The following LMNA variants were observed in gnomAD, a reference collection of about 807,000 sequenced individuals.
LMNA encodes lamin.
A neutral mutation model predicts 70.4 loss-of-function variants in LMNA; 20 were observed. That is an observed-to-expected ratio of 0.28 (90% CI 0.20 to 0.41). The LOEUF is 0.41. Among genes scored for constraint, LMNA ranks in the 10% least tolerant of loss-of-function variants. LMNA has a pLI of 1.00. For missense variants in LMNA, 652 were observed against 917.2 expected (o/e 0.71, Z 3.73); for synonymous variants, 339 against 372.8 (o/e 0.91, Z 1.04).
rs1057515421 is a variant in LMNA at position 156,136,284 on chromosome 1, C to G, written c.1228C>G (p.Gln410Glu). ...TGCTTCCTCTCACTCATCCCAGACA[C>G]AGGGTGGGGGCAGCGTCACCAAAAA... ...GRASSHSSQT[Q>E]GGGSVTKKRK... is the part of the protein sequence containing the mutation. The change falls in exon 7 of 12, where the codon CAG becomes GAG. Residue 410 changes from glutamine (Q) to glutamate (E), a missense_variant. By Grantham distance (29) the Gln-to-Glu change is conservative. This residue lies in a region of LMNA where 327 missense variants were observed against 387.6 expected (regional missense o/e 0.84). Transcript: ENST00000368300. The surrounding 1 kb of genome is among the most constrained non-coding windows in gnomAD (Gnocchi z 6.1). The G allele has an allele frequency of 3.7e-6, 6 of 1,612,142 alleles. No individual in the cohort carries two copies. Among genetic ancestry groups the G allele is most frequent in the Non-Finnish European group, 5.1e-6 (6 of 1,180,032 alleles).
At chr1:156,083,574 G>T (rs908183344) in intron 2 of LMNA, 29 of 152,308 alleles carry the variant, frequency 1.9e-4, no homozygotes, top group African/African-American at 6.5e-4. Context: ...AGGCAGAGGC[G>T]GGTGGATCAC....
At chr1:156,110,787 C>A (rs1172953626), upstream of LMNA, among the ~76,000 whole-genome samples, 3 of 151,438 alleles carry the variant, frequency 2.0e-5, no homozygotes, top group Non-Finnish European at 4.4e-5. Context: ...ACCAGCCTGG[C>A]CAACATGGGG....
intron 1 of LMNA, among the ~76,000 whole-genome samples, chr1:156,120,098 G>C (rs1650089451): frequency 1.3e-5 from 2 of 152,158 alleles, no homozygotes. Flanking sequence ...CTCCAAAAAG[G>C]CCCTGGTGCT....
chr1:156,119,997 G>T (rs938008578), intron 1 of LMNA, among the ~76,000 whole-genome samples: 3 of 152,218 alleles, frequency 2.0e-5, no homozygotes, highest in African/African-American at 7.2e-5. Context: ...GATAGTGCCA[G>T]GGTCTGTGCC....
At chr1:156,124,349 C>T (rs755197261) in intron 1 of LMNA, among the ~76,000 whole-genome samples, 4 of 151,994 alleles carry the variant, frequency 2.6e-5, no homozygotes, top group Non-Finnish European at 4.4e-5. Flanking sequence ...AATGCAGTGG[C>T]GCGATCTTGG....
chr1:156,087,938 C>T (rs1294053067), intron 2 of LMNA, among the ~76,000 whole-genome samples: 1 of 151,400 alleles, frequency 6.6e-6, no homozygotes, highest in Admixed American at 6.6e-5. Context: ...GTGGCACCAT[C>T]TCAGCTCACT....
intron 2 of LMNA, among the ~76,000 whole-genome samples, chr1:156,131,172 G>A (rs2102867936): frequency 6.6e-6 from 1 of 152,326 alleles, no homozygotes; most frequent in African/African-American, 2.4e-5. Context: ...TCGGGAGGCT[G>A]AGGCAGGAGA....
At chr1:156,114,068 A>AC (rs28365858), upstream of LMNA, among the ~76,000 whole-genome samples, 9,377 of 151,700 alleles carry the variant, frequency 0.062, 540 homozygotes, top group African/African-American at 0.15. Flanking sequence ...AAAAAAAGGG[A>AC]CCCCCCAAAC....
In LMNA at chr1:156,114,881, A is replaced by T; in HGVS notation, c.-38A>T. ...ACCCGAGCCCCGCGCCCTTTCCGGG[A>T]CCCCTGCCCCGCGGGCAGCGCTGCC... is the stretch of plus-strand genomic sequence containing the variant. On this transcript the variant is annotated 5_prime_UTR_variant, in exon 1 of 12. Coordinates refer to ENST00000368300, the MANE Select transcript of LMNA (RefSeq NM_170707.4). 7.0e-7 allele frequency: 1 copy of T among 1,421,906 alleles called. No individual in the cohort carries two copies. The highest frequency in any genetic ancestry group is 9.4e-7 in the Non-Finnish European group (1 of 1,061,024). The allele number at this position is 1,421,906 out of a possible 1,614,324, so 88.1% of individuals were successfully genotyped here.
Position 156,116,328 on chromosome 1 carries a change from A to G in LMNA, c.356+1054A>G, listed in dbSNP as rs555466125. Among the ~76,000 whole-genome samples the G allele has an allele frequency of 8.1e-5, 12 of 148,380 alleles. No homozygotes were observed. The East Asian group carries it at 2.4e-3, about 30-fold the overall frequency. ...GATTCAGGCCACTCCCACTTTACCC[A>G]CCCCTGCCCCACCCTACCCCACCCT... is the stretch of plus-strand genomic sequence containing the variant. On this transcript the variant is annotated intron_variant, in intron 1 of 11. Coordinates refer to ENST00000368300, the MANE Select transcript of LMNA (RefSeq NM_170707.4).
chr1:156,127,683 TA>T lies in LMNA; in HGVS notation c.357-2931del, dbSNP rs1420558672. Among the ~76,000 whole-genome samples, 36 of 131,192 alleles carry T rather than the reference TA, an allele frequency of 2.7e-4. No individual in the cohort carries two copies. The Middle Eastern group carries it at 0.021, about 76-fold the overall frequency. 86.1% of individuals were successfully genotyped at this position (131,192 alleles called of 152,430 possible). A position where few individuals can be genotyped will look rare whatever the true frequency, so the allele number is the denominator to read the frequency against. ...ACAGGTGCACACCACCGTACCCAGC[TA>T]AATTTTTTTTTTTTTTTTTTGAGAT... is the stretch of plus-strand genomic sequence containing the variant. On this transcript the variant is annotated intron_variant, in intron 1 of 11. Transcript: ENST00000368300.
chr1:156,120,678 A>C (rs1481249406), intron 1 of LMNA, among the ~76,000 whole-genome samples: 1 of 152,080 alleles, frequency 6.6e-6, no homozygotes, highest in African/African-American at 2.4e-5. Flanking sequence ...GCACTACTGC[A>C]CTCTAGCCTG....
chr1:156,104,338 T>G (rs1243980880), intron 3 of LMNA, among the ~76,000 whole-genome samples: 2 of 152,176 alleles, frequency 1.3e-5, no homozygotes, highest in Non-Finnish European at 2.9e-5. Context: ...GCTTAGCAAC[T>G]GTTGTCGTCT....
At position 156,138,344 on chromosome 1, in the gene LMNA, C is replaced by A. The variant is rs1651844633; in HGVS notation, c.1699-144C>A. 2.3e-6 allele frequency: 2 copies of A among 874,716 alleles called. No homozygotes were observed. The highest frequency in any genetic ancestry group is 3.5e-6 in the Non-Finnish European group (2 of 576,188). 54.2% of individuals were successfully genotyped at this position (874,716 alleles called of 1,614,324 possible). On this transcript the variant is annotated intron_variant, in intron 10 of 11. Transcript: ENST00000368300. The surrounding 1 kb of genome is among the most constrained non-coding windows in gnomAD (Gnocchi z 5.5). ...TCCTCCGGGCCCCTAGCCTCCCAAA[C>A]CCCCATTGCCCGCTGGCTCCTTGGG...
In LMNA at chr1:156,104,482, G is replaced by A. The variant is rs187785452; in HGVS notation, c.-206-10231G>A. Among the ~76,000 whole-genome samples the A allele has an allele frequency of 5.9e-5, 9 of 151,920 alleles. No individual in the cohort carries two copies. The East Asian group carries it at 1.7e-3, about 29-fold the overall frequency. ...GAGCCCCCTGGACTGGATTCTAAAT[G>A]TGGTCCTCACCCCCTCCCTCATGGT... On this transcript the variant is annotated intron_variant, in intron 3 of 12. Transcript: ENST00000368301.
At chr1:156,116,996 C>T (rs1649870225) in intron 1 of LMNA, among the ~76,000 whole-genome samples, 1 of 151,954 alleles carries the variant, frequency 6.6e-6, no homozygotes, top group Non-Finnish European at 1.5e-5. Flanking sequence ...TCACCACAAC[C>T]TCTGCCTCCC....
In LMNA at chr1:156,098,987, C is replaced by T. The variant is rs1373549883; in HGVS notation, c.-207+8405C>T. Among the ~76,000 whole-genome samples, 7 of 152,130 alleles carry T rather than the reference C, an allele frequency of 4.6e-5. No homozygotes were observed. The East Asian group carries it at 9.6e-4, about 21-fold the overall frequency. On this transcript the variant is annotated intron_variant, in intron 3 of 12. Coordinates refer to the LMNA transcript ENST00000368301. ...CACTAATTAGCTCTGGCTTTCTAAT[C>T]GGGCTTAATTGCCTCCTCATGATGG...
intron 1 of LMNA, among the ~76,000 whole-genome samples, chr1:156,118,935 C>T (rs549351463): frequency 1.3e-5 from 2 of 152,170 alleles, no homozygotes; most frequent in East Asian, 1.9e-4. Context: ...AAACCCCTTT[C>T]GCCAATACTC....
Position 156,135,344 on chromosome 1 carries a change from G to T in LMNA, c.936+32G>T, listed in dbSNP as rs781746233. The T allele has an allele frequency of 1.3e-6, 2 of 1,517,754 alleles. No individual in the cohort carries two copies. The highest frequency in any genetic ancestry group is 2.2e-5 in the South Asian group (2 of 89,188). The allele number at this position is 1,517,754 out of a possible 1,614,324, so 94.0% of individuals were successfully genotyped here. On this transcript the variant is annotated intron_variant, in intron 5 of 11. Coordinates refer to ENST00000368300, the MANE Select transcript of LMNA (RefSeq NM_170707.4). This position sits in a 1 kb window ranked among gnomAD's most constrained non-coding sequence, Gnocchi z 4.8. The stretch of plus-strand genomic sequence containing the variant: ...CCCCACCTCACCCCTCTCTCCAGGG[G>T]CCTAGAGTCTGGGCCGGATGCAGGC...
Sources: allele counts gnomAD v4.1 joint callset (sites outside exome capture counted in the v4.1 genomes callset), GRCh38; gene constraint gnomAD v4.1.1; regional missense constraint gnomAD v4.1.1; non-coding constraint Gnocchi (gnomAD v3.1); transcripts MANE v1.5; gene names NCBI Gene and HGNC (gene_info 2026-07-23, HGNC 2026-07-21).